Variants in SLAIN1 observed in about 807,000 individuals in gnomAD.
SLAIN1 encodes the protein SLAIN motif-containing protein 1.
Under a neutral mutation model 55.4 loss-of-function variants are expected in SLAIN1, and 17 were observed. That is an observed-to-expected ratio of 0.31 (90% CI 0.21 to 0.46). The LOEUF is 0.46. Among genes scored for constraint, SLAIN1 ranks in the 20% least tolerant of loss-of-function variants. SLAIN1 has a pLI of 1.00. For synonymous variants in SLAIN1, 348 were observed against 337.4 expected (o/e 1.03, Z -0.35); for missense variants, 682 against 785.1 (o/e 0.87, Z 1.57).
intron 1 of SLAIN1, among the ~76,000 whole-genome samples, chr13:77,706,635 T>A (rs1343178691): frequency 6.6e-6 from 1 of 151,812 alleles, no homozygotes; most frequent in East Asian, 1.9e-4. Flanking sequence ...TTCTTGGCAA[T>A]GTGGATTCCC....
At chr13:77,703,320 T>A (rs2091049407) in intron 1 of SLAIN1, among the ~76,000 whole-genome samples, 1 of 152,152 alleles carries the variant, frequency 6.6e-6, no homozygotes, top group African/African-American at 2.4e-5. Flanking sequence ...CTGGCTAACA[T>A]CATTGCCAAT....
At chr13:77,737,133 T>C (rs1215213521) in intron 2 of SLAIN1, among the ~76,000 whole-genome samples, 1 of 152,046 alleles carries the variant, frequency 6.6e-6, no homozygotes, top group African/African-American at 2.4e-5. Context: ...ATGCTCTCCA[T>C]GTGCGATGGC....
chr13:77,743,310 G>A, intron 2 of SLAIN1: 1 of 515,978 alleles, frequency 1.9e-6, no homozygotes, highest in Non-Finnish European at 3.0e-6. Context: ...GGTACAAAAG[G>A]CCTAGCACTA....
At chr13:77,700,442 G>C (rs1281304904) in intron 1 of SLAIN1, among the ~76,000 whole-genome samples, 3 of 152,156 alleles carry the variant, frequency 2.0e-5, no homozygotes. Context: ...AAACAAGCCT[G>C]AGATTAGAAT....
At chr13:77,720,668 G>A (rs1369183635) in intron 2 of SLAIN1, among the ~76,000 whole-genome samples, 2 of 152,032 alleles carry the variant, frequency 1.3e-5, no homozygotes, top group African/African-American at 4.8e-5. Context: ...TGAGAAATAC[G>A]AAGTTTAGAG....
intron 2 of SLAIN1, chr13:77,741,103 G>A (rs765315372): frequency 8.3e-6 from 8 of 965,328 alleles, no homozygotes; most frequent in Non-Finnish European, 9.9e-6. Context: ...AGTGATGAAT[G>A]CTGCTTACTT....
At chr13:77,747,259 T>C (rs1044412144) in intron 4 of SLAIN1, among the ~76,000 whole-genome samples, 2 of 152,058 alleles carry the variant, frequency 1.3e-5, no homozygotes, top group African/African-American at 4.8e-5. Flanking sequence ...AAGAGAAATA[T>C]AGATAATTGG....
At chr13:77,706,657 T>A (rs546941087) in intron 1 of SLAIN1, among the ~76,000 whole-genome samples, 1 of 140,346 alleles carries the variant, frequency 7.1e-6, no homozygotes, top group Admixed American at 6.9e-5. Flanking sequence ...TCTTCTTAAA[T>A]CCTTTTCGTT....
At chr13:77,703,596 G>C (rs1165592397) in intron 1 of SLAIN1, among the ~76,000 whole-genome samples, 1 of 151,960 alleles carries the variant, frequency 6.6e-6, no homozygotes, top group Non-Finnish European at 1.5e-5. Flanking sequence ...GGCAGGGTTG[G>C]GGGTGGAGGG....
In SLAIN1 at chr13:77,753,410, T is replaced by A. The variant is rs1003777870; in HGVS notation, c.1414+52T>A. ...TATATTGTATAATTGTATAATTTTTTATAATTTTTAATTGTAAGGAAAATG... is the reference window on the plus strand; with the variant it reads ...TATATTGTATAATTGTATAATTTTTAATAATTTTTAATTGTAAGGAAAATG... On this transcript the variant is annotated intron_variant, in intron 5 of 6. Transcript: ENST00000418532. 1.1e-4 allele frequency: 112 copies of A among 1,012,370 alleles called. 2 individuals carry two copies. The East Asian group carries it at 4.1e-3, about 37-fold the overall frequency. The allele number at this position is 1,012,370 out of a possible 1,614,324, so 62.7% of individuals were successfully genotyped here. A position where few individuals can be genotyped will look rare whatever the true frequency, so the allele number is the denominator to read the frequency against.
At chr13:77,717,740 T>G (rs1183691390) in intron 1 of SLAIN1, among the ~76,000 whole-genome samples, 2 of 152,180 alleles carry the variant, frequency 1.3e-5, no homozygotes, top group African/African-American at 4.8e-5. Flanking sequence ...TCTCAAGATG[T>G]GGTCTCCAGA....
At chr13:77,718,161 C>G (rs1024312877) in intron 1 of SLAIN1, among the ~76,000 whole-genome samples, 78 of 152,098 alleles carry the variant, frequency 5.1e-4, no homozygotes, top group African/African-American at 1.7e-3. Context: ...AGAGTCCTTA[C>G]CTGTAACTGG....
At chr13:77,755,469 TG>T (rs1476149913) in intron 5 of SLAIN1, among the ~76,000 whole-genome samples, 1 of 152,164 alleles carries the variant, frequency 6.6e-6, no homozygotes, top group African/African-American at 2.4e-5. Flanking sequence ...GAAAAATGTA[TG>T]TAGCCCAAAA....
chr13:77,740,217 A>G (rs1202781803), intron 2 of SLAIN1, among the ~76,000 whole-genome samples: 1 of 152,210 alleles, frequency 6.6e-6, no homozygotes, highest in African/African-American at 2.4e-5. Context: ...TAACACAGTT[A>G]AAATACATGA....
chr13:77,726,269 T>TA (rs2091307114), intron 2 of SLAIN1, among the ~76,000 whole-genome samples: 1 of 152,206 alleles, frequency 6.6e-6, no homozygotes. Flanking sequence ...TGCTAAAAAA[T>TA]ACGTTGTCTT....
At position 77,698,152 on chromosome 13, in the gene SLAIN1, C is replaced by T. The variant is rs1180239031; in HGVS notation, c.239C>T (p.Pro80Leu). ...CCCGCTGGCCTGCAGCCTTTGGGTC[C>T]TCGGAGCCCCCCGGCCGCCACGGCC... is the stretch of plus-strand genomic sequence containing the variant. ...PPPAGLQPLG[P>L]RSPPAATATA... is the part of the protein sequence containing the mutation. The change falls in exon 1 of 7, where the codon CCT (proline) becomes CTT (leucine). Residue 80 changes from proline (P) to leucine (L), a missense_variant. Pro to Leu is a moderately conservative substitution (Grantham distance 98). Around this residue, in one of 3 missense-constraint regions of SLAIN1, gnomAD observed 401 missense variants for 417.3 expected, o/e 0.96. Coordinates refer to ENST00000418532, the MANE Select transcript of SLAIN1 (RefSeq NM_001242868.2). The surrounding 1 kb of genome is among the most constrained non-coding windows in gnomAD (Gnocchi z 4.1). 5.3e-6 allele frequency: 6 copies of T among 1,142,338 alleles called. No homozygotes were observed. Among genetic ancestry groups the T allele is most frequent in the African/African-American group, 3.3e-5 (2 of 59,756 alleles). 70.8% of individuals were successfully genotyped at this position (1,142,338 alleles called of 1,614,324 possible).
At chr13:77,713,685 G>T (rs1247388517) in intron 1 of SLAIN1, among the ~76,000 whole-genome samples, 1 of 152,076 alleles carries the variant, frequency 6.6e-6, no homozygotes, top group Non-Finnish European at 1.5e-5. Context: ...ATACCCAAAG[G>T]ATTATAAATC....
intron 2 of SLAIN1, among the ~76,000 whole-genome samples, chr13:77,735,317 C>T (rs1048944262): frequency 6.6e-6 from 1 of 152,098 alleles, no homozygotes. Flanking sequence ...TCCTTTCAGT[C>T]TTTTCTTGGT....
At chr13:77,751,332 AATTTT>A (rs2154410702) in intron 4 of SLAIN1, among the ~76,000 whole-genome samples, 1 of 152,290 alleles carries the variant, frequency 6.6e-6, no homozygotes, top group East Asian at 1.9e-4. Context: ...GAAAAAATTT[AATTTT>A]AAGTTTAATT....
Sources: gnomAD v4.1 joint callset for allele counts (sites outside exome capture counted in the v4.1 genomes callset) on GRCh38, gnomAD v4.1.1 for gene constraint, gnomAD v4.1.1 regional missense constraint, Gnocchi (gnomAD v3.1) non-coding constraint, MANE v1.5 for transcripts, NCBI Gene and HGNC (gene_info 2026-07-23, HGNC 2026-07-21) for gene names.